ARHGAP42: variants seen among roughly 807,000 people sequenced by gnomAD.
ARHGAP42 encodes Rho GTPase activating protein 42.
ARHGAP42 carries 63 observed loss-of-function variants against 125.0 expected under a neutral mutation model. The ratio of observed to expected loss-of-function variants is 0.50; its 90% CI spans 0.41 to 0.62. The LOEUF is 0.62. ARHGAP42 is among the 20% of genes least tolerant of loss of function. The probability of loss-of-function intolerance (pLI) is 0.00; values close to 1 mark genes in which losing one functional copy is unlikely to be tolerated. For synonymous variants in ARHGAP42, 339 were observed against 351.0 expected, an observed-to-expected ratio of 0.97 and a Z score of 0.38; for missense variants, 766 against 1,024.2, an observed-to-expected ratio of 0.75 and a Z score of 3.44.
intron 3 of ARHGAP42, among the ~76,000 whole-genome samples, chr11:100,838,926 T>A (rs1467191390): frequency 6.6e-6 from 1 of 152,120 alleles, no homozygotes; most frequent in Admixed American, 6.6e-5. Flanking sequence ...TGCACTAACT[T>A]CCACCATTGA....
At position 100,962,458 on chromosome 11, in the gene ARHGAP42, A is replaced by G; in HGVS notation, c.1435A>G (p.Ile479Val). 1 of 1,550,416 alleles carries G rather than the reference A, an allele frequency of 6.4e-7. No individual in the cohort carries two copies. Among genetic ancestry groups the G allele is most frequent in the South Asian group, 1.2e-5 (1 of 84,038 alleles). ...TTACAAGTTGCACAAAGATTTTATC[A>G]TTGCTGTTAGTAAGTATACTTGCAT... ...MTYKLHKDFI[I>V]AVKSDDQNYR... Residue 479 changes from isoleucine (I) to valine (V), a missense_variant, in exon 16 of 24, where the codon ATT (isoleucine) becomes GTT (valine). Ile to Val is a conservative substitution (Grantham distance 29, BLOSUM62 3). This residue lies in a region of ARHGAP42 where 455 missense variants were observed against 636.5 expected (regional missense o/e 0.71). Coordinates refer to ENST00000298815, the MANE Select transcript of ARHGAP42 (RefSeq NM_152432.4).
chr11:100,830,061 G>A (rs1324398583), intron 3 of ARHGAP42, among the ~76,000 whole-genome samples: 1 of 152,178 alleles, frequency 6.6e-6, no homozygotes, highest in African/African-American at 2.4e-5. Context: ...TTAATAGGAT[G>A]TTAGTAAGGG....
At chr11:100,899,917 A>T (rs555119157) in intron 4 of ARHGAP42, among the ~76,000 whole-genome samples, 1 of 151,996 alleles carries the variant, frequency 6.6e-6, no homozygotes, top group African/African-American at 2.4e-5. Context: ...TTCAATGTTA[A>T]TATTGTTATA....
chr11:100,812,158 G>C (rs1396525830), intron 3 of ARHGAP42, among the ~76,000 whole-genome samples: 1 of 152,086 alleles, frequency 6.6e-6, no homozygotes, highest in Non-Finnish European at 1.5e-5. Flanking sequence ...ATTAATAATA[G>C]GTTCAGCCAG....
chr11:100,947,499 G>C (rs911379962), intron 10 of ARHGAP42, among the ~76,000 whole-genome samples: 1 of 151,792 alleles, frequency 6.6e-6, no homozygotes, highest in African/African-American at 2.4e-5. Flanking sequence ...CCACCTCAAA[G>C]AATTGTTTTC....
chr11:100,866,677 C>G (rs1865576887), intron 4 of ARHGAP42, among the ~76,000 whole-genome samples: 1 of 152,076 alleles, frequency 6.6e-6, no homozygotes, highest in African/African-American at 2.4e-5. Flanking sequence ...TGCACACTTT[C>G]AAACAACCAG....
At chr11:100,729,811 C>CT (rs1218377976) in intron 1 of ARHGAP42, among the ~76,000 whole-genome samples, 4,130 of 133,634 alleles carry the variant, frequency 0.031, 64 homozygotes, top group Non-Finnish European at 0.034. Context: ...AAATTTCTTT[C>CT]TTTTTTTTTT....
intron 4 of ARHGAP42, among the ~76,000 whole-genome samples, chr11:100,898,782 C>G (rs1365915894): frequency 6.6e-6 from 1 of 152,012 alleles, no homozygotes; most frequent in South Asian, 2.1e-4. Context: ...TTGATCTTTT[C>G]AAAAAACCAG....
chr11:100,692,198 A>G (rs2120169521), intron 1 of ARHGAP42, among the ~76,000 whole-genome samples: 1 of 152,164 alleles, frequency 6.6e-6, no homozygotes, highest in Non-Finnish European at 1.5e-5. Flanking sequence ...ATGTTTCTAA[A>G]CTTGTATGTT....
At chr11:100,772,237 G>T (rs1372667088) in intron 2 of ARHGAP42, among the ~76,000 whole-genome samples, 1 of 152,196 alleles carries the variant, frequency 6.6e-6, no homozygotes, top group African/African-American at 2.4e-5. Flanking sequence ...ATGAATTTCA[G>T]CTTCATTGTG....
intron 1 of ARHGAP42, among the ~76,000 whole-genome samples, chr11:100,694,112 T>C (rs1170183996): frequency 6.6e-6 from 1 of 152,000 alleles, no homozygotes; most frequent in African/African-American, 2.4e-5. Flanking sequence ...TTTGTATTTT[T>C]AGTAGAGATA....
intron 3 of ARHGAP42, among the ~76,000 whole-genome samples, chr11:100,836,820 A>C (rs140914926): frequency 1.3e-5 from 2 of 150,178 alleles, no homozygotes; most frequent in East Asian, 3.9e-4. Flanking sequence ...TGGGACTTGA[A>C]CACCTCATTA....
chr11:100,987,901 G>A (rs1858726291), intron 23 of ARHGAP42, among the ~76,000 whole-genome samples: 1 of 152,084 alleles, frequency 6.6e-6, no homozygotes. Context: ...AGGCCAAGGC[G>A]GGCGGATCAT....
chr11:100,707,579 G>T (rs552129953), intron 1 of ARHGAP42, among the ~76,000 whole-genome samples: 93 of 152,310 alleles, frequency 6.1e-4, no homozygotes, highest in African/African-American at 2.1e-3. Context: ...TAAGTGCAAA[G>T]GGTGGTAAGA....
intron 3 of ARHGAP42, among the ~76,000 whole-genome samples, chr11:100,824,895 C>T (rs1014172350): frequency 6.6e-6 from 1 of 152,188 alleles, no homozygotes; most frequent in Non-Finnish European, 1.5e-5. Context: ...CTCCTTGAAG[C>T]TGTGTTACTT....
chr11:100,923,196 T>C (rs781323976), intron 6 of ARHGAP42, among the ~76,000 whole-genome samples: 29 of 152,212 alleles, frequency 1.9e-4, no homozygotes, highest in Non-Finnish European at 4.1e-4. Flanking sequence ...AATCCCACCA[T>C]GGTTTTTGAA....
intron 3 of ARHGAP42, among the ~76,000 whole-genome samples, chr11:100,806,395 T>G (rs1426945602): frequency 6.6e-6 from 1 of 152,240 alleles, no homozygotes; most frequent in African/African-American, 2.4e-5. Context: ...TTGGTGCTGT[T>G]ATATGCTTAA....
intron 3 of ARHGAP42, among the ~76,000 whole-genome samples, chr11:100,803,665 T>C (rs1863918542): frequency 6.6e-6 from 1 of 152,180 alleles, no homozygotes; most frequent in African/African-American, 2.4e-5. Context: ...AGGTCCAAAT[T>C]ATCTGGTCCA....
At chr11:100,866,264 C>T (rs989798583) in intron 4 of ARHGAP42, among the ~76,000 whole-genome samples, 2 of 152,128 alleles carry the variant, frequency 1.3e-5, no homozygotes, top group Non-Finnish European at 2.9e-5. Context: ...TTCCTGTTTC[C>T]ACCACATTTG....
Sources: gnomAD v4.1 joint callset for allele counts (sites outside exome capture counted in the v4.1 genomes callset) on GRCh38, gnomAD v4.1.1 for gene constraint, gnomAD v4.1.1 regional missense constraint, MANE v1.5 for transcripts, NCBI Gene and HGNC (gene_info 2026-07-23, HGNC 2026-07-21) for gene names.